Variants in EPC1 observed in about 807,000 individuals in gnomAD.
EPC1 encodes enhancer of polycomb homolog 1.
In EPC1, 12 loss-of-function variants were observed where a neutral mutation model predicts 98.4. That is an observed-to-expected ratio of 0.12 (90% CI 0.08 to 0.20). The LOEUF is 0.20. Among genes scored for constraint, EPC1 ranks in the 10% least tolerant of loss-of-function variants. The probability of loss-of-function intolerance (pLI) is 1.00; values close to 1 mark genes in which losing one functional copy is unlikely to be tolerated. For missense variants in EPC1, 729 were observed against 990.5 expected (o/e 0.74, Z 3.54); for synonymous variants, 357 against 363.9 (o/e 0.98, Z 0.21).
rs748644978 is a variant in EPC1, at chr10:32,325,488, C to T, written c.154-19557G>A. Among the ~76,000 whole-genome samples the T allele has an allele frequency of 5.9e-5, 9 of 152,092 alleles. No individual in the cohort carries two copies. The South Asian group carries it at 1.0e-3, about 18-fold the overall frequency. On this transcript the variant is annotated intron_variant, in intron 1 of 13. Coordinates refer to ENST00000319778, the MANE Select transcript of EPC1 (RefSeq NM_001272004.3). ...CAGGAAGGGGCTAATGGTTGCAAAA[C>T]GTGACATAAAAGAAGGAAAATTTTA...
exon 1 of EPC1, chr10:32,378,541 T>C: frequency 1.3e-6 from 2 of 1,483,032 alleles, no homozygotes; most frequent in Non-Finnish European, 1.8e-6. Context: ...ATTGTAACAA[T>C]ATAGGCTGGA....
rs1281447529 is a variant in EPC1 at position 32,327,541 on chromosome 10, T to G, written c.153+19222A>C. ...ATCTGGTCATTACACAGTGTACACA[T>G]GTATAGAACATTACTCCATAAATAT... On this transcript the variant is annotated intron_variant, in intron 1 of 13. Coordinates refer to ENST00000319778, the MANE Select transcript of EPC1 (RefSeq NM_001272004.3). 2.6e-5 allele frequency among the ~76,000 whole-genome samples: 4 copies of G among 152,294 alleles called. No individual in the cohort carries two copies. The South Asian group carries it at 8.3e-4, about 32-fold the overall frequency.
intron 1 of EPC1, among the ~76,000 whole-genome samples, chr10:32,360,894 C>CAAA (rs34674243): frequency 4.9e-5 from 7 of 142,868 alleles, no homozygotes; most frequent in African/African-American, 7.8e-5. Flanking sequence ...ACTCCATCTC[C>CAAA]AAAAAAAAAA....
intron 2 of EPC1, among the ~76,000 whole-genome samples, chr10:32,296,881 T>G (rs1278655924): frequency 1.3e-5 from 2 of 150,068 alleles, no homozygotes; most frequent in Non-Finnish European, 3.0e-5. Context: ...CAATCTAGCC[T>G]GGGCGACAGA....
chr10:32,319,604 C>G (rs547681565), intron 1 of EPC1, among the ~76,000 whole-genome samples: 1 of 152,024 alleles, frequency 6.6e-6, no homozygotes, highest in Non-Finnish European at 1.5e-5. Flanking sequence ...TGGGGTCACT[C>G]TATTAAAAAA....
chr10:32,336,429 T>C lies in EPC1; in HGVS notation c.153+10334A>G, dbSNP rs192754359. Among the ~76,000 whole-genome samples, 147 of 152,240 alleles carry C rather than the reference T, an allele frequency of 9.7e-4. 1 individual carries two copies. Among genetic ancestry groups the C allele is most frequent in the African/African-American group, 3.3e-3 (136 of 41,554 alleles). ...CTCCTTTCTACTTGCTGGCCAAACA[T>C]TGACCCTTGACAAACCCTATCTACC... On this transcript the variant is annotated intron_variant, in intron 1 of 13. Coordinates refer to ENST00000319778, the MANE Select transcript of EPC1 (RefSeq NM_001272004.3).
Position 32,330,933 on chromosome 10 carries a change from G to A in EPC1, c.153+15830C>T, listed in dbSNP as rs567710189. On this transcript the variant is annotated intron_variant, in intron 1 of 13. Transcript: ENST00000319778. Reference sequence around the variant, plus strand: ...TACAAAAGTTAGAATGTCTGATCTCGTGTGTATTGTACAAAATCACAGTGT... The same window carrying A: ...TACAAAAGTTAGAATGTCTGATCTCATGTGTATTGTACAAAATCACAGTGT... Among the ~76,000 whole-genome samples the A allele has an allele frequency of 9.5e-4, 144 of 152,210 alleles. 1 individual carries two copies. The highest frequency in any genetic ancestry group is 3.3e-3 in the African/African-American group (139 of 41,540).
At chr10:32,345,365 AAAC>A in intron 1 of EPC1, 1 of 985,404 alleles carries the variant, frequency 1.0e-6, no homozygotes, top group South Asian at 4.7e-5. Flanking sequence ...TTAAAAGGTT[AAAC>A]AACCCAAAGA....
intron 1 of EPC1, among the ~76,000 whole-genome samples, chr10:32,323,113 T>TGCA (rs1837032612): frequency 6.6e-6 from 1 of 151,772 alleles, no homozygotes; most frequent in African/African-American, 2.4e-5. Context: ...TGTAAATATG[T>TGCA]ACTATTATGT....
intron 6 of EPC1, among the ~76,000 whole-genome samples, chr10:32,287,738 C>CAACT (rs1836763408): frequency 6.6e-6 from 1 of 152,006 alleles, no homozygotes; most frequent in African/African-American, 2.4e-5. Flanking sequence ...AAACTGTTAA[C>CAACT]ATAGTAGAAA....
chr10:32,317,202 C>T (rs1015792749), intron 1 of EPC1, among the ~76,000 whole-genome samples: 2 of 152,058 alleles, frequency 1.3e-5, no homozygotes, highest in Non-Finnish European at 2.9e-5. Context: ...TTTTGCTTTG[C>T]TTTATCCCAG....
intron 1 of EPC1, among the ~76,000 whole-genome samples, chr10:32,335,083 T>C (rs952523535): frequency 6.6e-6 from 1 of 152,202 alleles, no homozygotes; most frequent in Non-Finnish European, 1.5e-5. Flanking sequence ...TTCTACTTAG[T>C]GGAGCTGCCC....
At chr10:32,374,086 C>G (rs1259241194) in intron 1 of EPC1, among the ~76,000 whole-genome samples, 1 of 152,142 alleles carries the variant, frequency 6.6e-6, no homozygotes, top group Non-Finnish European at 1.5e-5. Context: ...GAAATAACAT[C>G]AGTCTTACTT....
rs556887850 is a variant in EPC1, at chr10:32,310,036, A to T, written c.154-4105T>A. On this transcript the variant is annotated intron_variant, in intron 1 of 13. Transcript: ENST00000319778. ...ATGGTGAAACCCCGTCTCTACTAAA[A>T]ATACAAAAATTAGCCAGGTGTCGTA... Among the ~76,000 whole-genome samples the T allele has an allele frequency of 2.0e-5, 3 of 151,972 alleles. 1 individual carries two copies. The South Asian group carries it at 6.3e-4, about 32-fold the overall frequency.
chr10:32,323,762 T>C (rs1432787593), intron 1 of EPC1, among the ~76,000 whole-genome samples: 1 of 152,170 alleles, frequency 6.6e-6, no homozygotes, highest in Non-Finnish European at 1.5e-5. Flanking sequence ...ATTAGCTCTC[T>C]GACTAATGAA....
chr10:32,293,558 T>C, intron 3 of EPC1, 34 bp downstream of exon 3: 1 of 1,592,796 alleles, frequency 6.3e-7, no homozygotes, highest in Non-Finnish European at 8.6e-7. Flanking sequence ...ACATAGAATA[T>C]GTATATACTT....
rs143158816 is a variant in EPC1 at position 32,362,759 on chromosome 10, G to A, written c.3+15732C>T. On this transcript the variant is annotated intron_variant, in intron 1 of 13. Transcript: ENST00000375110. ...CCAACTCAACTGCCTGGTAGATAAG[G>A]CACCAAACTAACACATGGATACCCC... is the stretch of plus-strand genomic sequence containing the variant. Among the ~76,000 whole-genome samples, 1,512 of 152,206 alleles carry A rather than the reference G, an allele frequency of 9.9e-3. 20 individuals carry two copies. Among genetic ancestry groups the A allele is most frequent in the African/African-American group, 0.033 (1,363 of 41,518 alleles).
intron 1 of EPC1, among the ~76,000 whole-genome samples, chr10:32,376,686 A>T (rs575971128): frequency 1.6e-4 from 25 of 152,244 alleles, no homozygotes; most frequent in African/African-American, 6.0e-4. Flanking sequence ...CCATTTTCAC[A>T]CATCCTTTTA....
intron 1 of EPC1, among the ~76,000 whole-genome samples, chr10:32,342,129 ATTCTT>A (rs1838400260): frequency 6.6e-6 from 1 of 152,130 alleles, no homozygotes; most frequent in African/African-American, 2.4e-5. Context: ...CATACTCTCA[ATTCTT>A]TTCTAATTCA....
Sources: allele counts gnomAD v4.1 joint callset (sites outside exome capture counted in the v4.1 genomes callset), GRCh38; gene constraint gnomAD v4.1.1; transcripts MANE v1.5; gene names NCBI Gene and HGNC (gene_info 2026-07-23, HGNC 2026-07-21).